GSDMC: variants seen among roughly 807,000 people sequenced by gnomAD.
The protein encoded by GSDMC is gasdermin C, also known as gasdermin-C.
A neutral mutation model predicts 58.0 loss-of-function variants in GSDMC; 59 were observed. The ratio of observed to expected loss-of-function variants is 1.02; its 90% CI spans 0.82 to 1.26. GSDMC has a LOEUF of 1.26. Ranked by LOEUF, GSDMC falls within the 50% of genes most tolerant of loss-of-function variation. The pLI is 0.00. For synonymous variants in GSDMC, 241 were observed against 220.2 expected, an observed-to-expected ratio of 1.09 and a Z score of -0.83; for missense variants, 659 against 598.5, an observed-to-expected ratio of 1.10 and a Z score of -1.06.
chr8:129,715,646 A>T, the GSDMC span, among the ~76,000 whole-genome samples: 1 of 152,208 alleles, frequency 6.6e-6, no homozygotes, highest in Non-Finnish European at 1.5e-5. Context: ...AAACAAATTT[A>T]TTCACCAGCA....
At chr8:129,735,055 A>C in the GSDMC span, among the ~76,000 whole-genome samples, 1 of 152,238 alleles carries the variant, frequency 6.6e-6, no homozygotes, top group African/African-American at 2.4e-5. Flanking sequence ...AGAAGAGACA[A>C]AGAAGGCCAT....
chr8:129,779,054 T>C (rs1475996218), intron 1 of GSDMC, among the ~76,000 whole-genome samples: 1 of 152,192 alleles, frequency 6.6e-6, no homozygotes, highest in African/African-American at 2.4e-5. Context: ...AGTTTGGTGA[T>C]TCCTCAAAGT....
chr8:129,751,829 C>T, intron 9 of GSDMC, 33 bp downstream of exon 9: 1 of 1,470,212 alleles, frequency 6.8e-7, no homozygotes, highest in Non-Finnish European at 9.5e-7. Flanking sequence ...AGGATGGGAT[C>T]CCCACCCCCA....
At chr8:129,705,852 C>T in the GSDMC span, among the ~76,000 whole-genome samples, 1 of 152,054 alleles carries the variant, frequency 6.6e-6, no homozygotes, top group African/African-American at 2.4e-5. Flanking sequence ...GGCTATTTTG[C>T]CATCTTCATC....
the GSDMC span, among the ~76,000 whole-genome samples, chr8:129,711,479 A>G: frequency 6.6e-6 from 1 of 152,184 alleles, no homozygotes; most frequent in Non-Finnish European, 1.5e-5. Flanking sequence ...CAAAACAGAG[A>G]CCATTTTTTC....
intron 3 of GSDMC, 104 bp from the exon 4 acceptor site, chr8:129,765,897 C>T: frequency 2.4e-6 from 2 of 825,188 alleles, no homozygotes; most frequent in South Asian, 1.7e-5. Flanking sequence ...GGTGCAATGG[C>T]TTTGGACCCT....
chr8:129,773,785 CAAA>C (rs3078753), intron 3 of GSDMC, among the ~76,000 whole-genome samples: 2 of 77,788 alleles, frequency 2.6e-5, no homozygotes. Flanking sequence ...GACTCTGTCT[CAAA>C]AAAAAAAAAA....
At chr8:129,760,716 G>A in intron 5 of GSDMC, 127 bp from the exon 6 acceptor site, 1 of 587,100 alleles carries the variant, frequency 1.7e-6, no homozygotes, top group Non-Finnish European at 3.1e-6. Context: ...CTCACTCTGT[G>A]CCTTCTGAAT....
rs999896474 is a variant in GSDMC at position 129,771,276 on chromosome 8, C to T, written c.404+4826G>A. The stretch of plus-strand genomic sequence containing the variant: ...GCCACGTCCCCCAGAAAAAAAAAAT[C>T]AATGCAGAAATATAAGACTTGAAAA... On this transcript the variant is annotated intron_variant, in intron 3 of 13. Coordinates refer to ENST00000276708, the MANE Select transcript of GSDMC (RefSeq NM_031415.3). Among the ~76,000 whole-genome samples the T allele has an allele frequency of 4.6e-5, 7 of 151,594 alleles. No individual in the cohort carries two copies. The South Asian group carries it at 1.0e-3, about 22-fold the overall frequency.
At position 129,749,449 on chromosome 8, in the gene GSDMC, C is replaced by T; in HGVS notation, c.1287+3G>A. 1 of 1,609,076 alleles carries T rather than the reference C, an allele frequency of 6.2e-7. No individual in the cohort carries two copies. Among genetic ancestry groups the T allele is most frequent in the East Asian group, 2.2e-5 (1 of 44,858 alleles). ...GAACTTCTGGCCCCTGGGAAGTTCT[C>T]ACCAGCTCCTGTTGCTGAAGCAGGA... On this transcript the variant is annotated splice_donor_region_variant and intron_variant, in intron 13 of 13. Coordinates refer to ENST00000276708, the MANE Select transcript of GSDMC (RefSeq NM_031415.3).
chr8:129,718,542 G>A, the GSDMC span, among the ~76,000 whole-genome samples: 2 of 152,332 alleles, frequency 1.3e-5, no homozygotes, highest in Non-Finnish European at 2.9e-5. Context: ...ACAGATGCTG[G>A]AGAGGATGTG....
At chr8:129,732,083 T>G in the GSDMC span, among the ~76,000 whole-genome samples, 2 of 152,090 alleles carry the variant, frequency 1.3e-5, no homozygotes, top group Non-Finnish European at 2.9e-5. Flanking sequence ...GGTGGGGCCT[T>G]TAAGAGGTCA....
At chr8:129,758,247 C>T (rs191543441) in intron 6 of GSDMC, among the ~76,000 whole-genome samples, 1 of 152,066 alleles carries the variant, frequency 6.6e-6, no homozygotes, top group Non-Finnish European at 1.5e-5. Flanking sequence ...ATGACAGAGC[C>T]ACAGCTAGTT....
At chr8:129,742,641 G>T in the GSDMC span, among the ~76,000 whole-genome samples, 49,292 of 152,002 alleles carry the variant, frequency 0.32, 11,565 homozygotes, top group African/African-American at 0.65. Flanking sequence ...GCTGTTCTTG[G>T]GTTCCTCCTT....
chr8:129,747,395 T>C (rs1000432067), downstream of GSDMC, among the ~76,000 whole-genome samples: 1 of 152,218 alleles, frequency 6.6e-6, no homozygotes, highest in Non-Finnish European at 1.5e-5. Flanking sequence ...AGAACTCATT[T>C]TCTTGCCTTT....
rs374508236 is a variant in GSDMC, at chr8:129,762,713, T to G, written c.589A>C (p.Ser197Arg). The change falls in exon 5 of 14, where the codon AGT becomes CGT. Residue 197 changes from serine (S) to arginine (R), a missense_variant. Ser to Arg is a moderately radical substitution (Grantham distance 110). Transcript: ENST00000276708. ...TYGKGQGQGE[S>R]LRVKKKALTL... ...AGCGCCTTCTTCTTCACTCTGAGAC[T>G]CTCTCCTTGGCCTTGACCCTGGGGA... 5 of 1,613,106 alleles carry G rather than the reference T, an allele frequency of 3.1e-6. No homozygotes were observed. Among genetic ancestry groups the G allele is most frequent in the Middle Eastern group, 1.7e-4 (1 of 6,056 alleles).
chr8:129,752,236 C>T, intron 7 of GSDMC, 89 bp from the exon 8 acceptor site: 1 of 953,340 alleles, frequency 1.0e-6, no homozygotes, highest in Non-Finnish European at 1.7e-6. Flanking sequence ...GGTCTCACCT[C>T]TAACTCCTCT....
intron 1 of GSDMC, among the ~76,000 whole-genome samples, 192 bp from the exon 2 acceptor site, chr8:129,777,783 G>A (rs1190407705): frequency 6.6e-6 from 1 of 152,062 alleles, no homozygotes; most frequent in Non-Finnish European, 1.5e-5. Flanking sequence ...ACAGGGTCTT[G>A]CCATGTTGCC....
chr8:129,733,250 AG>A, the GSDMC span, among the ~76,000 whole-genome samples: 2 of 152,266 alleles, frequency 1.3e-5, no homozygotes, highest in Admixed American at 1.3e-4. Flanking sequence ...GCTGAACAAA[AG>A]GCAGCAGAAA....
Sources: allele counts gnomAD v4.1 joint callset (sites outside exome capture counted in the v4.1 genomes callset), GRCh38; gene constraint gnomAD v4.1.1; transcripts MANE v1.5; gene names NCBI Gene and HGNC (gene_info 2026-07-23, HGNC 2026-07-21).